TNFSF4: variants seen among roughly 807,000 people sequenced by gnomAD.
The protein encoded by TNFSF4 is TNF superfamily member 4.
TNFSF4 carries 4 observed loss-of-function variants against 7.3 expected under a neutral mutation model. The ratio of observed to expected loss-of-function variants is 0.55; its 90% CI spans 0.27 to 1.25. The LOEUF (loss-of-function observed/expected upper bound fraction) is 1.25. TNFSF4 is among the 50% of genes most tolerant of loss of function. The probability of loss-of-function intolerance (pLI) is 0.12; values close to 1 mark genes in which losing one functional copy is unlikely to be tolerated. For missense variants in TNFSF4, 181 were observed against 208.8 expected, an observed-to-expected ratio of 0.87 and a Z score of 0.82; for synonymous variants, 76 against 83.7, an observed-to-expected ratio of 0.91 and a Z score of 0.50.
the TNFSF4 span, among the ~76,000 whole-genome samples, chr1:173,319,095 T>A: frequency 6.6e-6 from 1 of 152,166 alleles, no homozygotes; most frequent in Non-Finnish European, 1.5e-5. Flanking sequence ...AACCACTGGC[T>A]TGAAATTCTC....
chr1:173,192,832 T>G (rs967195599), intron 1 of TNFSF4, among the ~76,000 whole-genome samples: 1 of 152,164 alleles, frequency 6.6e-6, no homozygotes, highest in African/African-American at 2.4e-5. Flanking sequence ...AAAATGGAGA[T>G]AGTAAAAATC....
the TNFSF4 span, among the ~76,000 whole-genome samples, chr1:173,319,429 C>A: frequency 1.3e-5 from 2 of 152,182 alleles, no homozygotes. Context: ...CGGATTTAAT[C>A]TTTTGTACCT....
the TNFSF4 span, among the ~76,000 whole-genome samples, chr1:173,424,873 C>CA: frequency 1.3e-5 from 2 of 152,246 alleles, no homozygotes; most frequent in Non-Finnish European, 2.9e-5. Flanking sequence ...CTCTGAGCCT[C>CA]AGTTGCTTCA....
At chr1:173,196,647 C>A (rs1336579629) in intron 1 of TNFSF4, among the ~76,000 whole-genome samples, 1 of 152,136 alleles carries the variant, frequency 6.6e-6, no homozygotes, top group Non-Finnish European at 1.5e-5. Flanking sequence ...GACAGATTCC[C>A]AAGAGAAATG....
chr1:173,239,737 T>C, the TNFSF4 span, among the ~76,000 whole-genome samples: 1 of 152,130 alleles, frequency 6.6e-6, no homozygotes, highest in Non-Finnish European at 1.5e-5. Context: ...AATAAGAGAA[T>C]TGGCTCAGTG....
the TNFSF4 span, among the ~76,000 whole-genome samples, chr1:173,307,078 A>T: frequency 6.6e-5 from 10 of 152,090 alleles, no homozygotes; most frequent in African/African-American, 2.2e-4. Flanking sequence ...AGGTTTTACC[A>T]TAAAACTGTC....
At chr1:173,353,157 G>A in the TNFSF4 span, among the ~76,000 whole-genome samples, 8 of 152,092 alleles carry the variant, frequency 5.3e-5, no homozygotes, top group African/African-American at 1.9e-4. Context: ...AGGGTCCTGA[G>A]GCAACATACA....
chr1:173,327,799 A>G, the TNFSF4 span, among the ~76,000 whole-genome samples: 1 of 152,140 alleles, frequency 6.6e-6, no homozygotes, highest in Admixed American at 6.5e-5. Context: ...CAAAACCACT[A>G]TGAGATACCA....
At chr1:173,281,239 AT>A in the TNFSF4 span, among the ~76,000 whole-genome samples, 2 of 152,098 alleles carry the variant, frequency 1.3e-5, no homozygotes, top group African/African-American at 4.8e-5. Context: ...AAAAAGGAAT[AT>A]TTTTGCCAAG....
the TNFSF4 span, among the ~76,000 whole-genome samples, chr1:173,173,873 C>G: frequency 3.3e-5 from 5 of 152,264 alleles, no homozygotes; most frequent in African/African-American, 1.2e-4. Flanking sequence ...CGAAGGTCTC[C>G]GACATGCCCT....
At chr1:173,230,286 A>T in the TNFSF4 span, among the ~76,000 whole-genome samples, 1 of 152,196 alleles carries the variant, frequency 6.6e-6, no homozygotes, top group Non-Finnish European at 1.5e-5. Flanking sequence ...CACTCAAAAC[A>T]GCTCAACTAC....
At chr1:173,322,755 G>A in the TNFSF4 span, among the ~76,000 whole-genome samples, 37 of 151,996 alleles carry the variant, frequency 2.4e-4, no homozygotes, top group East Asian at 1.4e-3. Flanking sequence ...CACCTGGCTC[G>A]GAGGGTCCTA....
the TNFSF4 span, among the ~76,000 whole-genome samples, chr1:173,237,448 G>A: frequency 6.6e-6 from 1 of 152,174 alleles, no homozygotes; most frequent in Non-Finnish European, 1.5e-5. Flanking sequence ...ATGCAAATAG[G>A]AAGAGAGGAA....
chr1:173,317,995 C>G, the TNFSF4 span, among the ~76,000 whole-genome samples: 1 of 152,174 alleles, frequency 6.6e-6, no homozygotes, highest in African/African-American at 2.4e-5. Flanking sequence ...GAAAAATACA[C>G]ACCACACAAA....
the TNFSF4 span, among the ~76,000 whole-genome samples, chr1:173,329,266 C>A: frequency 6.6e-6 from 1 of 152,094 alleles, no homozygotes; most frequent in Non-Finnish European, 1.5e-5. Flanking sequence ...TTGCATATAA[C>A]GTATGCACAT....
downstream of TNFSF4, among the ~76,000 whole-genome samples, chr1:173,182,775 A>G (rs1649078184): frequency 6.6e-6 from 1 of 152,210 alleles, no homozygotes; most frequent in Non-Finnish European, 1.5e-5. Flanking sequence ...ACAAGAATCA[A>G]TGAGATTGGC....
chr1:173,220,912 T>C, the TNFSF4 span, among the ~76,000 whole-genome samples: 2 of 151,606 alleles, frequency 1.3e-5, no homozygotes, highest in African/African-American at 4.9e-5. Flanking sequence ...CCAAAAAAAA[T>C]AAAATAAACA....
At chr1:173,247,628 A>T in the TNFSF4 span, among the ~76,000 whole-genome samples, 2 of 151,824 alleles carry the variant, frequency 1.3e-5, no homozygotes, top group African/African-American at 2.4e-5. Context: ...GGCATTTTTT[A>T]TTTTTTTTGT....
the TNFSF4 span, among the ~76,000 whole-genome samples, chr1:173,291,786 A>G: frequency 1.2e-4 from 18 of 152,124 alleles, no homozygotes; most frequent in African/African-American, 4.1e-4. Context: ...AAAGATCCCT[A>G]TAAACACAAA....
Sources: allele counts gnomAD v4.1 joint callset (sites outside exome capture counted in the v4.1 genomes callset), GRCh38; gene constraint gnomAD v4.1.1; transcripts MANE v1.5; gene names NCBI Gene and HGNC (gene_info 2026-07-23, HGNC 2026-07-21).